ADCY2: variants seen among roughly 807,000 people sequenced by gnomAD.
The protein encoded by ADCY2 is adenylate cyclase type 2.
Under a neutral mutation model 125.2 loss-of-function variants are expected in ADCY2, and 31 were observed. That is an observed-to-expected ratio of 0.25 (90% CI 0.19 to 0.33). The LOEUF is 0.33. Ranked by LOEUF, ADCY2 falls within the 10% of genes least tolerant of loss-of-function variation. The pLI, the probability that ADCY2 is intolerant of heterozygous loss-of-function variation, is 1.00. For missense variants in ADCY2, 904 were observed against 1,418.2 expected (o/e 0.64, Z 5.82); for synonymous variants, 512 against 548.4 (o/e 0.93, Z 0.93).
At position 7,759,913 on chromosome 5, in the gene ADCY2, G is replaced by A. The variant is rs189778630; in HGVS notation, c.2094+2327G>A. Reference sequence around the variant, plus strand: ...TATTCTGCCTGAAGAATAGGGTTGGGGGGTGGGGGTGGTGGGGAGTGGTTC... The same window carrying A: ...TATTCTGCCTGAAGAATAGGGTTGGAGGGTGGGGGTGGTGGGGAGTGGTTC... On this transcript the variant is annotated intron_variant, in intron 16 of 24. Transcript: ENST00000338316. Among the ~76,000 whole-genome samples the A allele has an allele frequency of 1.2e-3, 179 of 152,130 alleles. 4 individuals carry two copies. In the East Asian group the frequency reaches 0.022, roughly 19 times the overall value.
At chr5:7,585,519 A>ATT (rs1220810785) in intron 3 of ADCY2, among the ~76,000 whole-genome samples, 2 of 152,260 alleles carry the variant, frequency 1.3e-5, no homozygotes, top group African/African-American at 2.4e-5. Flanking sequence ...ACTGGAATGA[A>ATT]TGCTAATGCA....
chr5:7,693,768 C>A (rs1486548625), intron 5 of ADCY2, among the ~76,000 whole-genome samples: 1 of 152,200 alleles, frequency 6.6e-6, no homozygotes, highest in Non-Finnish European at 1.5e-5. Flanking sequence ...AACCTCTGGA[C>A]CAGCTTAAGC....
chr5:7,407,867 C>CT (rs963332049), intron 1 of ADCY2, among the ~76,000 whole-genome samples: 2,911 of 127,904 alleles, frequency 0.023, 63 homozygotes, highest in African/African-American at 0.047. Flanking sequence ...CTCTTCAGTT[C>CT]TTTTTTTTTT....
intron 4 of ADCY2, among the ~76,000 whole-genome samples, chr5:7,661,263 G>A (rs1459485291): frequency 1.3e-5 from 2 of 152,048 alleles, no homozygotes; most frequent in African/African-American, 4.8e-5. Flanking sequence ...AAAATTAAGG[G>A]TAGACAAAGA....
intron 3 of ADCY2, among the ~76,000 whole-genome samples, chr5:7,560,529 G>C (rs1213068802): frequency 6.6e-6 from 1 of 151,864 alleles, no homozygotes; most frequent in Non-Finnish European, 1.5e-5. Flanking sequence ...TTTTTTAATA[G>C]TGTTGACCCT....
chr5:7,398,549 G>T (rs1034041506), intron 1 of ADCY2, among the ~76,000 whole-genome samples: 7 of 152,158 alleles, frequency 4.6e-5, no homozygotes, highest in Non-Finnish European at 7.4e-5. Context: ...CACAAAGTGG[G>T]CATTTCCCAC....
chr5:7,713,826 A>G (rs895024024), intron 11 of ADCY2, among the ~76,000 whole-genome samples: 1 of 152,178 alleles, frequency 6.6e-6, no homozygotes, highest in African/African-American at 2.4e-5. Flanking sequence ...CTTTCTCCCC[A>G]GAGAGGTCAA....
chr5:7,570,729 G>A (rs1400210932), intron 3 of ADCY2, among the ~76,000 whole-genome samples: 1 of 151,834 alleles, frequency 6.6e-6, no homozygotes, highest in East Asian at 1.9e-4. Flanking sequence ...CTTCAAGAAT[G>A]TGGCTTCTAG....
intron 3 of ADCY2, among the ~76,000 whole-genome samples, chr5:7,602,259 A>G (rs759221746): frequency 6.6e-6 from 1 of 152,216 alleles, no homozygotes; most frequent in African/African-American, 2.4e-5. Flanking sequence ...CATTCAAACC[A>G]CTACAATCAA....
chr5:7,429,748 A>G (rs1740520963), intron 2 of ADCY2, among the ~76,000 whole-genome samples: 1 of 152,248 alleles, frequency 6.6e-6, no homozygotes, highest in Non-Finnish European at 1.5e-5. Flanking sequence ...GATCTGTGGA[A>G]TGCACCTAAG....
At chr5:7,777,149 G>A (rs886121055) in intron 18 of ADCY2, among the ~76,000 whole-genome samples, 2 of 151,004 alleles carry the variant, frequency 1.3e-5, no homozygotes, top group African/African-American at 2.5e-5. Context: ...TTCACCCCTC[G>A]GTGTGCCTGA....
intron 12 of ADCY2, among the ~76,000 whole-genome samples, chr5:7,724,193 G>C (rs2126394395): frequency 6.7e-6 from 1 of 149,464 alleles, no homozygotes; most frequent in Non-Finnish European, 1.5e-5. Flanking sequence ...TGTGATTTCG[G>C]AAAAACATTA....
In ADCY2 at chr5:7,766,031, T is replaced by C. The variant is rs78418136; in HGVS notation, c.2095-656T>C. ...TGATACTGTCCTTCTGATGCTTATA[T>C]TGGTGACCATTACATAAGAGCTAAT... On this transcript the variant is annotated intron_variant, in intron 16 of 24. Coordinates refer to ENST00000338316, the MANE Select transcript of ADCY2 (RefSeq NM_020546.3). Among the ~76,000 whole-genome samples the C allele has an allele frequency of 5.5e-3, 839 of 152,340 alleles. 6 individuals are homozygous for C. The highest frequency in any genetic ancestry group is 0.019 in the African/African-American group (799 of 41,570).
chr5:7,776,342 C>T (rs1266874851), intron 18 of ADCY2, among the ~76,000 whole-genome samples: 1 of 152,074 alleles, frequency 6.6e-6, no homozygotes, highest in Non-Finnish European at 1.5e-5. Context: ...CCCCTCTGTG[C>T]CATTGAAGTC....
chr5:7,638,150 T>G (rs1239274398), intron 4 of ADCY2, among the ~76,000 whole-genome samples: 1 of 152,184 alleles, frequency 6.6e-6, no homozygotes, highest in Non-Finnish European at 1.5e-5. Flanking sequence ...TAGCAAATCG[T>G]GTTTGGCCTC....
chr5:7,458,002 T>C (rs1382941601), intron 2 of ADCY2, among the ~76,000 whole-genome samples: 1 of 152,218 alleles, frequency 6.6e-6, no homozygotes, highest in African/African-American at 2.4e-5. Flanking sequence ...CTGGATTTCC[T>C]GTATGATTTC....
intron 14 of ADCY2, among the ~76,000 whole-genome samples, chr5:7,741,561 T>TATCACC (rs200848130): frequency 0.97 from 139,836 of 144,348 alleles, 67,699 homozygotes; most frequent in East Asian, 0.98. Context: ...TCACCATCCC[T>TATCACC]ATCACCATCA....
intron 2 of ADCY2, among the ~76,000 whole-genome samples, chr5:7,456,028 A>G (rs771892662): frequency 6.6e-6 from 1 of 151,358 alleles, no homozygotes; most frequent in Non-Finnish European, 1.5e-5. Flanking sequence ...TCTTTAAGAA[A>G]TGAGGCCTTG....
intron 3 of ADCY2, among the ~76,000 whole-genome samples, chr5:7,539,169 G>T (rs762410853): frequency 6.6e-6 from 1 of 152,072 alleles, no homozygotes; most frequent in African/African-American, 2.4e-5. Flanking sequence ...AGCCTCTTGA[G>T]TATAAATTTT....
Sources: allele counts gnomAD v4.1 joint callset (sites outside exome capture counted in the v4.1 genomes callset), GRCh38; gene constraint gnomAD v4.1.1; transcripts MANE v1.5; gene names NCBI Gene and HGNC (gene_info 2026-07-23, HGNC 2026-07-21).